The following CPNE4 variants were observed in gnomAD, a reference collection of about 807,000 sequenced individuals.
CPNE4 encodes copine-4.
In CPNE4, 25 loss-of-function variants were observed where a neutral mutation model predicts 67.9. The ratio of observed to expected loss-of-function variants is 0.37; its 90% CI spans 0.27 to 0.51. CPNE4 has a LOEUF of 0.51. CPNE4 is among the 20% of genes least tolerant of loss of function. CPNE4 has a pLI of 0.93. For missense variants in CPNE4, 464 were observed against 690.8 expected (o/e 0.67, Z 3.68); for synonymous variants, 242 against 244.9 (o/e 0.99, Z 0.11).
chr3:131,709,661 C>T (rs369243541), intron 3 of CPNE4, among the ~76,000 whole-genome samples: 4 of 152,236 alleles, frequency 2.6e-5, no homozygotes, highest in East Asian at 1.9e-4. Context: ...ATTAGAAAAT[C>T]GTGTGCTCCT....
intron 2 of CPNE4, among the ~76,000 whole-genome samples, chr3:131,886,309 G>GCAGGTACA (rs532565308): frequency 1.9e-3 from 290 of 152,372 alleles, no homozygotes; most frequent in Middle Eastern, 0.017. Flanking sequence ...TGTTGAGCCT[G>GCAGGTACA]CAGGTACACA....
chr3:131,818,945 C>G (rs113489101), intron 2 of CPNE4, among the ~76,000 whole-genome samples: 4,800 of 152,100 alleles, frequency 0.032, 176 homozygotes, highest in South Asian at 0.094. Flanking sequence ...ACTAAAAATA[C>G]AAAAATTAGC....
At chr3:131,968,349 T>C (rs1239286097) in intron 1 of CPNE4, among the ~76,000 whole-genome samples, 2 of 152,068 alleles carry the variant, frequency 1.3e-5, no homozygotes, top group African/African-American at 4.8e-5. Flanking sequence ...AAGGCCAAAA[T>C]TGACAAATGG....
At chr3:131,874,131 C>G (rs2107700844) in intron 2 of CPNE4, among the ~76,000 whole-genome samples, 1 of 151,908 alleles carries the variant, frequency 6.6e-6, no homozygotes, top group African/African-American at 2.4e-5. Context: ...CTCTGTCGCC[C>G]AGGCTGGAGT....
intron 10 of CPNE4, among the ~76,000 whole-genome samples, chr3:131,568,635 G>A (rs1189897697): frequency 2.0e-5 from 3 of 151,736 alleles, no homozygotes; most frequent in Admixed American, 2.0e-4. Flanking sequence ...ATTAAGCAGA[G>A]CTGTGGAGCA....
intron 7 of CPNE4, among the ~76,000 whole-genome samples, chr3:131,630,702 A>G (rs1050439206): frequency 6.6e-6 from 1 of 152,252 alleles, no homozygotes; most frequent in Non-Finnish European, 1.5e-5. Flanking sequence ...TGGAACAGAT[A>G]TAGAATATTT....
intron 2 of CPNE4, among the ~76,000 whole-genome samples, chr3:131,780,839 G>A (rs2083415943): frequency 6.6e-6 from 1 of 151,864 alleles, no homozygotes; most frequent in African/African-American, 2.4e-5. Context: ...TAAAATAGAA[G>A]TTGGAAAGAA....
intron 11 of CPNE4, among the ~76,000 whole-genome samples, chr3:131,561,818 G>C (rs1472705884): frequency 6.6e-6 from 1 of 151,976 alleles, no homozygotes; most frequent in Non-Finnish European, 1.5e-5. Context: ...GACTCTGCCT[G>C]TCTATTGTCT....
chr3:131,728,381 G>A (rs1044007262), intron 2 of CPNE4, among the ~76,000 whole-genome samples: 8 of 152,160 alleles, frequency 5.3e-5, no homozygotes, highest in Non-Finnish European at 1.2e-4. Context: ...GTGAACCTAT[G>A]TAGTTAAGCT....
chr3:131,759,674 A>T (rs2082841727), intron 2 of CPNE4, among the ~76,000 whole-genome samples: 1 of 152,234 alleles, frequency 6.6e-6, no homozygotes, highest in African/African-American at 2.4e-5. Context: ...TGTACTTACC[A>T]GGCTTTGTCA....
At chr3:131,726,267 C>T (rs936984378) in intron 2 of CPNE4, among the ~76,000 whole-genome samples, 2 of 152,214 alleles carry the variant, frequency 1.3e-5, no homozygotes, top group Non-Finnish European at 2.9e-5. Flanking sequence ...CAGTGGCATT[C>T]CCTTATAAAG....
At chr3:131,775,618 G>C (rs145551287) in intron 2 of CPNE4, among the ~76,000 whole-genome samples, 1 of 152,058 alleles carries the variant, frequency 6.6e-6, no homozygotes, top group Non-Finnish European at 1.5e-5. Flanking sequence ...GAGTTTCCCC[G>C]CACAAGTTCT....
chr3:131,577,137 G>A (rs747765242), intron 9 of CPNE4, among the ~76,000 whole-genome samples: 1 of 151,964 alleles, frequency 6.6e-6, no homozygotes, highest in African/African-American at 2.4e-5. Flanking sequence ...CCCAGCAATT[G>A]GTGTAAAGGG....
chr3:131,749,215 T>C (rs747888277), intron 2 of CPNE4, among the ~76,000 whole-genome samples: 15 of 152,156 alleles, frequency 9.9e-5, no homozygotes, highest in Non-Finnish European at 1.9e-4. Context: ...GCTTCACCCA[T>C]GGATTATGCA....
intron 2 of CPNE4, among the ~76,000 whole-genome samples, chr3:131,784,727 T>C (rs1040548629): frequency 2.0e-5 from 3 of 152,160 alleles, no homozygotes; most frequent in African/African-American, 4.8e-5. Context: ...ACTTTCCCCA[T>C]TTCTTAATTC....
Position 131,550,064 on chromosome 3 carries a change from C to T in CPNE4, c.1185G>A (p.Val395=). 6.2e-7 allele frequency: 1 copy of T among 1,612,994 alleles called. No homozygotes were observed. The highest frequency in any genetic ancestry group is 8.5e-7 in the Non-Finnish European group (1 of 1,179,320). ...TAGGAAGACAGCTCTGATAGGCTTC[C>T]ACAACTCCTTGAATTCCTGAGGTGA... ...NPECAGIQGV[V]EAYQSCLPKL... is the part of the protein sequence containing the mutation. Residue 395 remains valine (V), a synonymous_variant, in exon 14 of 16, where the codon GTG becomes GTA. Coordinates refer to ENST00000429747, the MANE Select transcript of CPNE4 (RefSeq NM_130808.3).
intron 2 of CPNE4, among the ~76,000 whole-genome samples, chr3:131,857,070 A>G (rs571359032): frequency 3.3e-5 from 5 of 152,158 alleles, no homozygotes; most frequent in African/African-American, 1.2e-4. Flanking sequence ...ACCACCTTGG[A>G]GCATGTGTCA....
intron 2 of CPNE4, among the ~76,000 whole-genome samples, chr3:131,746,514 T>A: frequency 6.6e-6 from 1 of 152,168 alleles, no homozygotes; most frequent in Non-Finnish European, 1.5e-5. Flanking sequence ...ATGAGTGAGA[T>A]AAGGTGGTAT....
intron 7 of CPNE4, among the ~76,000 whole-genome samples, chr3:131,623,935 G>C (rs7646693): frequency 6.6e-6 from 1 of 152,118 alleles, no homozygotes; most frequent in Non-Finnish European, 1.5e-5. Flanking sequence ...GGCATTACCC[G>C]ATGTGGGTAA....
Sources: gnomAD v4.1 joint callset for allele counts (sites outside exome capture counted in the v4.1 genomes callset) on GRCh38, gnomAD v4.1.1 for gene constraint, MANE v1.5 for transcripts, NCBI Gene and HGNC (gene_info 2026-07-23, HGNC 2026-07-21) for gene names.